Variants in TMEM132D observed in about 807,000 individuals in gnomAD.
The protein encoded by TMEM132D is transmembrane protein 132D, also known as mature OL transmembrane protein.
Under a neutral mutation model 62.3 loss-of-function variants are expected in TMEM132D, and 21 were observed. The ratio of observed to expected loss-of-function variants is 0.34; its 90% CI spans 0.24 to 0.49. The LOEUF is 0.49. Ranked by LOEUF, TMEM132D falls within the 20% of genes least tolerant of loss-of-function variation. The probability of loss-of-function intolerance (pLI) is 0.99; values close to 1 mark genes in which losing one functional copy is unlikely to be tolerated. For synonymous variants in TMEM132D, 621 were observed against 575.6 expected (o/e 1.08, Z -1.13); for missense variants, 1,346 against 1,402.8 (o/e 0.96, Z 0.65).
At chr12:129,349,992 C>A (rs1480610984) in intron 3 of TMEM132D, among the ~76,000 whole-genome samples, 5 of 152,190 alleles carry the variant, frequency 3.3e-5, no homozygotes, top group African/African-American at 9.6e-5. Context: ...CTAAAAAGGA[C>A]TGTTGCTAAA....
intron 4 of TMEM132D, among the ~76,000 whole-genome samples, chr12:129,310,666 G>T (rs1233783112): frequency 1.3e-5 from 2 of 152,140 alleles, no homozygotes; most frequent in Non-Finnish European, 2.9e-5. Flanking sequence ...CAGTACATCC[G>T]GTAAAAGGAA....
chr12:129,613,757 T>G (rs61943553), intron 2 of TMEM132D, among the ~76,000 whole-genome samples: 5,590 of 128,820 alleles, frequency 0.043, 173 homozygotes, highest in Middle Eastern at 0.1. Context: ...AGAACCAAGG[T>G]GACTGTCTCC....
At chr12:129,215,952 G>A (rs766421057) in intron 4 of TMEM132D, among the ~76,000 whole-genome samples, 3 of 152,074 alleles carry the variant, frequency 2.0e-5, no homozygotes, top group Admixed American at 6.5e-5. Flanking sequence ...GGGGGAAACC[G>A]CCCGAATGCA....
chr12:129,476,679 CAT>C (rs1440129915), intron 3 of TMEM132D, among the ~76,000 whole-genome samples: 5 of 152,158 alleles, frequency 3.3e-5, no homozygotes, highest in African/African-American at 1.2e-4. Context: ...TCCACCTCGA[CAT>C]TCTGGGAGAG....
intron 1 of TMEM132D, among the ~76,000 whole-genome samples, chr12:129,771,327 A>G (rs1319415660): frequency 6.6e-6 from 1 of 152,188 alleles, no homozygotes; most frequent in Non-Finnish European, 1.5e-5. Context: ...CCTCATCTGT[A>G]AAATGTGGAT....
intron 3 of TMEM132D, among the ~76,000 whole-genome samples, chr12:129,496,466 A>C (rs2137063924): frequency 6.6e-6 from 1 of 152,270 alleles, no homozygotes; most frequent in South Asian, 2.1e-4. Context: ...GTAAGGGCTT[A>C]AGAAGATCAT....
chr12:129,171,637 G>T (rs1479861076), intron 5 of TMEM132D, among the ~76,000 whole-genome samples: 3 of 152,214 alleles, frequency 2.0e-5, no homozygotes, highest in Non-Finnish European at 4.4e-5. Context: ...AGTGGATGTT[G>T]TGTTGGCAGG....
chr12:129,525,855 T>C (rs1876018165), intron 3 of TMEM132D, among the ~76,000 whole-genome samples: 1 of 152,198 alleles, frequency 6.6e-6, no homozygotes, highest in East Asian at 1.9e-4. Context: ...TGGTAATCCA[T>C]AGTCAATAGG....
chr12:129,699,674 G>T, intron 2 of TMEM132D, 136 bp downstream of exon 2: 1 of 1,048,732 alleles, frequency 9.5e-7, no homozygotes, highest in Non-Finnish European at 1.4e-6. Flanking sequence ...ATTCCACGGT[G>T]CAGATGGAGT....
chr12:129,833,138 C>T (rs1227619088), intron 1 of TMEM132D, among the ~76,000 whole-genome samples: 1 of 152,196 alleles, frequency 6.6e-6, no homozygotes, highest in Non-Finnish European at 1.5e-5. Context: ...CTCTACTTGG[C>T]TTTCATAGAC....
At chr12:129,466,279 CTTTTTTTTTT>C (rs551019541) in intron 3 of TMEM132D, among the ~76,000 whole-genome samples, 1 of 100,396 alleles carries the variant, frequency 1.0e-5, no homozygotes, top group African/African-American at 3.8e-5. Context: ...TAGATTTTTC[CTTTTTTTTTT>C]TTTTTTTTTT....
At chr12:129,316,176 C>T (rs1248973228) in intron 4 of TMEM132D, among the ~76,000 whole-genome samples, 2 of 151,882 alleles carry the variant, frequency 1.3e-5, no homozygotes, top group Non-Finnish European at 1.5e-5. Flanking sequence ...TATTTCCTTT[C>T]TTCTGCTGGG....
chr12:129,543,387 TGG>T (rs1876645058), intron 2 of TMEM132D, among the ~76,000 whole-genome samples: 1 of 133,844 alleles, frequency 7.5e-6, no homozygotes, highest in African/African-American at 3.0e-5. Context: ...GATGGATGGA[TGG>T]ATGGATGGAT....
intron 2 of TMEM132D, among the ~76,000 whole-genome samples, chr12:129,662,757 C>T (rs1319942818): frequency 1.6e-5 from 2 of 128,220 alleles, no homozygotes; most frequent in Non-Finnish European, 3.1e-5. Context: ...TGTGCCACTG[C>T]ACTCCAGCCT....
rs1874470784 is a variant in TMEM132D at position 129,082,047 on chromosome 12, G to A, written c.1650-15C>T. On this transcript the variant is annotated splice_polypyrimidine_tract_variant and intron_variant, in intron 6 of 8. Transcript: ENST00000422113. ...CCCCGGCAGGCCTGTGAAAGAAGCAGTGCAGTTTGCAGACAGTTACTTGTT... is the reference window on the plus strand; with the variant it reads ...CCCCGGCAGGCCTGTGAAAGAAGCAATGCAGTTTGCAGACAGTTACTTGTT... 6.3e-7 allele frequency: 1 copy of A among 1,588,076 alleles called. No individual in the cohort carries two copies. Among genetic ancestry groups the A allele is most frequent in the Non-Finnish European group, 8.6e-7 (1 of 1,164,834 alleles).
intron 4 of TMEM132D, among the ~76,000 whole-genome samples, chr12:129,256,285 GCA>G (rs1421709849): frequency 1.3e-5 from 2 of 152,162 alleles, no homozygotes; most frequent in Non-Finnish European, 2.9e-5. Flanking sequence ...CCTAAAGGAT[GCA>G]CAGACAAGAA....
intron 1 of TMEM132D, among the ~76,000 whole-genome samples, chr12:129,769,404 C>T (rs1242083823): frequency 6.6e-6 from 1 of 152,098 alleles, no homozygotes; most frequent in Non-Finnish European, 1.5e-5. Context: ...TTATTCACCA[C>T]CACAAGAACA....
intron 3 of TMEM132D, among the ~76,000 whole-genome samples, chr12:129,527,777 T>G (rs1876090795): frequency 6.6e-6 from 1 of 152,236 alleles, no homozygotes; most frequent in South Asian, 2.1e-4. Context: ...TTGGTTATCC[T>G]GCAGGCAACG....
At chr12:129,608,425 T>C (rs1334492091) in intron 2 of TMEM132D, among the ~76,000 whole-genome samples, 1 of 152,098 alleles carries the variant, frequency 6.6e-6, no homozygotes, top group African/African-American at 2.4e-5. Flanking sequence ...AAGGTTCGGT[T>C]GTCACTAAAA....
Sources: gnomAD v4.1 joint callset for allele counts (sites outside exome capture counted in the v4.1 genomes callset) on GRCh38, gnomAD v4.1.1 for gene constraint, MANE v1.5 for transcripts, NCBI Gene and HGNC (gene_info 2026-07-23, HGNC 2026-07-21) for gene names.